The following RIPOR3 variants were observed in gnomAD, a reference collection of about 807,000 sequenced individuals.
RIPOR3 encodes family with sequence similarity 65 member C.
In RIPOR3, 95 loss-of-function variants were observed where a neutral mutation model predicts 114.3. That is an observed-to-expected ratio of 0.83 (90% CI 0.70 to 0.99). The LOEUF (loss-of-function observed/expected upper bound fraction) is 0.99. Ranked by LOEUF, RIPOR3 falls within the 50% of genes least tolerant of loss-of-function variation. The pLI, the probability that RIPOR3 is intolerant of heterozygous loss-of-function variation, is 0.00. For missense variants in RIPOR3, 1,252 were observed against 1,266.9 expected (o/e 0.99, Z 0.18); for synonymous variants, 575 against 543.8 (o/e 1.06, Z -0.80).
In RIPOR3 at chr20:50,691,252, T is replaced by A; in HGVS notation, c.-124A>T. 1.6e-6 allele frequency: 2 copies of A among 1,225,262 alleles called. No homozygotes were observed. The highest frequency in any genetic ancestry group is 2.1e-6 in the Non-Finnish European group (2 of 934,460). 75.9% of individuals were successfully genotyped at this position (1,225,262 alleles called of 1,614,324 possible). On this transcript the variant is annotated 5_prime_UTR_variant, in exon 1 of 22. Coordinates refer to ENST00000327979, the MANE Select transcript of RIPOR3 (RefSeq NM_001290268.2). ...GGGACTCCCGGACTCGAGCTAGGGC[T>A]CTGCAAATTCCATCCACACTGGCCA...
chr20:50,613,262 A>G (rs932596233), intron 4 of RIPOR3, among the ~76,000 whole-genome samples: 4 of 152,150 alleles, frequency 2.6e-5, no homozygotes, highest in African/African-American at 9.7e-5. Context: ...AGCCTGGCCA[A>G]CATGGTGAAA....
At chr20:50,633,577 C>T (rs887388153) in intron 1 of RIPOR3, among the ~76,000 whole-genome samples, 1 of 152,054 alleles carries the variant, frequency 6.6e-6, no homozygotes, top group Non-Finnish European at 1.5e-5. Flanking sequence ...GTAGTTGAGA[C>T]GTACTCCGGA....
At chr20:50,605,791 A>G (rs554181835) in intron 11 of RIPOR3, among the ~76,000 whole-genome samples, 147 of 152,034 alleles carry the variant, frequency 9.7e-4, no homozygotes, top group Non-Finnish European at 4.3e-4. Flanking sequence ...AAAAAAAGAA[A>G]AAAAAAAAAA....
At chr20:50,670,026 A>AG (rs11483608) in intron 1 of RIPOR3, among the ~76,000 whole-genome samples, 122,928 of 151,506 alleles carry the variant, frequency 0.81, 50,846 homozygotes, top group East Asian at 0.96. Flanking sequence ...GCGTGGTGGC[A>AG]GGCGCCTGTA....
At chr20:50,605,517 C>A (rs1195463115) in intron 11 of RIPOR3, among the ~76,000 whole-genome samples, 1 of 152,068 alleles carries the variant, frequency 6.6e-6, no homozygotes, top group Non-Finnish European at 1.5e-5. Context: ...ACCTGTAATC[C>A]CAACACTTCG....
chr20:50,599,993 C>T (rs1325809967), intron 13 of RIPOR3, among the ~76,000 whole-genome samples: 3 of 152,048 alleles, frequency 2.0e-5, no homozygotes, highest in Non-Finnish European at 4.4e-5. Context: ...CTCCGCCTCC[C>T]GGGTTCAAGT....
chr20:50,640,908 C>CTTT (rs1331789312), intron 1 of RIPOR3, among the ~76,000 whole-genome samples: 1 of 134,500 alleles, frequency 7.4e-6, no homozygotes, highest in African/African-American at 2.7e-5. Flanking sequence ...ATATGCACTT[C>CTTT]TTTTTTTTTT....
At chr20:50,673,313 G>A (rs1473864583) in intron 1 of RIPOR3, among the ~76,000 whole-genome samples, 1 of 152,140 alleles carries the variant, frequency 6.6e-6, no homozygotes, top group South Asian at 2.1e-4. Context: ...AGGGAGGGGC[G>A]GTCCCAGGCC....
At chr20:50,593,457 G>A (rs980191237) in intron 17 of RIPOR3, among the ~76,000 whole-genome samples, 18 of 152,134 alleles carry the variant, frequency 1.2e-4, no homozygotes, top group African/African-American at 4.1e-4. Context: ...CTGTTTCCCA[G>A]CAACTCTGGA....
At chr20:50,631,399 G>A (rs1201690385) in intron 1 of RIPOR3, among the ~76,000 whole-genome samples, 1 of 152,208 alleles carries the variant, frequency 6.6e-6, no homozygotes. Flanking sequence ...AGGCTGACGT[G>A]GGGTGAAGGG....
chr20:50,656,835 T>C lies in RIPOR3; in HGVS notation c.4-25979A>G, dbSNP rs866426345. ...TTTCTAATGACTGCAAAATAGTCCA[T>C]TGGGGGCCCATCCCTACATTAGTTT... On this transcript the variant is annotated intron_variant, in intron 1 of 21. Transcript: ENST00000327979. 1.4e-4 allele frequency among the ~76,000 whole-genome samples: 22 copies of C among 152,266 alleles called. No individual in the cohort carries two copies. The South Asian group carries it at 2.7e-3, about 19-fold the overall frequency.
chr20:50,589,979 T>C (rs542834572), intron 19 of RIPOR3: 1 of 508,168 alleles, frequency 2.0e-6, no homozygotes, highest in Admixed American at 3.2e-5. Context: ...TAAAAACAGA[T>C]GCCAGGGCTA....
chr20:50,687,535 G>A (rs773302389), intron 1 of RIPOR3, among the ~76,000 whole-genome samples: 1 of 152,202 alleles, frequency 6.6e-6, no homozygotes, highest in African/African-American at 2.4e-5. Flanking sequence ...TGAGTGTGTG[G>A]TGCACAAGTG....
intron 1 of RIPOR3, among the ~76,000 whole-genome samples, chr20:50,657,297 C>G (rs2085845314): frequency 6.6e-6 from 1 of 152,188 alleles, no homozygotes; most frequent in Non-Finnish European, 1.5e-5. Context: ...GAGACCTAGG[C>G]AGGTGGATCA....
intron 11 of RIPOR3, among the ~76,000 whole-genome samples, chr20:50,607,228 C>A (rs544726779): frequency 6.6e-6 from 1 of 152,184 alleles, no homozygotes; most frequent in Non-Finnish European, 1.5e-5. Context: ...AGGGGACACT[C>A]GGTTCAGACC....
rs2083328634 is a variant in RIPOR3, at chr20:50,597,342, C to T, written c.1790+238G>A. 13 of 544,858 alleles carry T rather than the reference C, an allele frequency of 2.4e-5. 1 individual carries two copies. In the South Asian group the frequency reaches 3.4e-4, roughly 14 times the overall value. 33.8% of individuals were successfully genotyped at this position (544,858 alleles called of 1,614,324 possible). ...AATACTAAAAGCTGGTTCCTTGGAG[C>T]AGAAGGCTCAGGGGCAGGCTGGGGT... On this transcript the variant is annotated intron_variant, in intron 14 of 21. Transcript: ENST00000327979.
At chr20:50,624,906 G>A (rs555836773) in intron 2 of RIPOR3, among the ~76,000 whole-genome samples, 25 of 152,290 alleles carry the variant, frequency 1.6e-4, no homozygotes, top group African/African-American at 5.3e-4. Context: ...GCCTCCAGGC[G>A]GGACAATTAT....
chr20:50,629,856 C>T (rs1342462135), intron 2 of RIPOR3, among the ~76,000 whole-genome samples: 1 of 152,210 alleles, frequency 6.6e-6, no homozygotes, highest in Non-Finnish European at 1.5e-5. Flanking sequence ...AAGAACATTC[C>T]TTCCCAACCC....
intron 4 of RIPOR3, among the ~76,000 whole-genome samples, chr20:50,615,776 A>G (rs760736398): frequency 5.9e-5 from 9 of 152,130 alleles, no homozygotes; most frequent in Non-Finnish European, 1.3e-4. Flanking sequence ...TGCCCACCTT[A>G]GCATTACTTC....
Sources: allele counts gnomAD v4.1 joint callset (sites outside exome capture counted in the v4.1 genomes callset), GRCh38; gene constraint gnomAD v4.1.1; transcripts MANE v1.5; gene names NCBI Gene and HGNC (gene_info 2026-07-23, HGNC 2026-07-21).